MTMR7: variants seen among roughly 807,000 people sequenced by gnomAD.
The protein encoded by MTMR7 is phosphatidylinositol-3-phosphate phosphatase MTMR7.
A neutral mutation model predicts 81.2 loss-of-function variants in MTMR7; 76 were observed. The observed-to-expected ratio is 0.94, with a 90% CI of 0.78 to 1.13. MTMR7 has a LOEUF of 1.13. Among genes scored for constraint, MTMR7 ranks in the 50% most tolerant of loss-of-function variants. The pLI is 0.00. For missense variants in MTMR7, 1,044 were observed against 820.0 expected (o/e 1.27, Z -3.34); for synonymous variants, 372 against 289.8 (o/e 1.28, Z -2.88).
chr8:17,319,813 G>A (rs897913466), intron 7 of MTMR7, among the ~76,000 whole-genome samples: 2 of 151,958 alleles, frequency 1.3e-5, no homozygotes, highest in East Asian at 1.9e-4. Flanking sequence ...CCTCAGGTTG[G>A]TTTTTTTTCA....
At chr8:17,390,808 G>A (rs954474444) in intron 1 of MTMR7, among the ~76,000 whole-genome samples, 2 of 152,166 alleles carry the variant, frequency 1.3e-5, no homozygotes, top group Non-Finnish European at 2.9e-5. Context: ...CAGCTCTCAT[G>A]AGAACTCACT....
intron 5 of MTMR7, among the ~76,000 whole-genome samples, chr8:17,348,036 C>T (rs906798153): frequency 5.9e-5 from 9 of 152,054 alleles, no homozygotes; most frequent in Non-Finnish European, 1.3e-4. Flanking sequence ...TGGGGTGGGG[C>T]CAGGCTACCA....
Position 17,311,430 on chromosome 8 carries a change from C to G in MTMR7, c.1101+81G>C, listed in dbSNP as rs1244257539. 7.6e-6 allele frequency: 12 copies of G among 1,568,808 alleles called. No individual in the cohort carries two copies. The East Asian group carries it at 2.3e-4, about 29-fold the overall frequency. On this transcript the variant is annotated intron_variant, in intron 9 of 13. Coordinates refer to ENST00000180173, the MANE Select transcript of MTMR7 (RefSeq NM_004686.5). ...AAAAATAATGCTGGCAAGAAAACAGCAGTTGCCAGTAGTTGTAAAAACAGG... is the reference window on the plus strand; with the variant it reads ...AAAAATAATGCTGGCAAGAAAACAGGAGTTGCCAGTAGTTGTAAAAACAGG...
chr8:17,306,619 G>A (rs564242842), intron 10 of MTMR7, among the ~76,000 whole-genome samples: 2 of 152,226 alleles, frequency 1.3e-5, no homozygotes, highest in African/African-American at 4.8e-5. Flanking sequence ...GAGTTTTACA[G>A]AGAATCCAAA....
chr8:17,400,161 A>G (rs887295662), intron 1 of MTMR7, among the ~76,000 whole-genome samples: 8 of 152,304 alleles, frequency 5.3e-5, no homozygotes, highest in African/African-American at 1.9e-4. Flanking sequence ...GCAATTATTT[A>G]TAACAAGAGC....
chr8:17,398,616 G>C (rs1251257872), intron 1 of MTMR7, among the ~76,000 whole-genome samples: 1 of 152,106 alleles, frequency 6.6e-6, no homozygotes, highest in Non-Finnish European at 1.5e-5. Context: ...GGTAGAGAAA[G>C]AAATGGGAAT....
intron 1 of MTMR7, among the ~76,000 whole-genome samples, chr8:17,410,886 A>G (rs1243516653): frequency 6.6e-6 from 1 of 152,208 alleles, no homozygotes; most frequent in Non-Finnish European, 1.5e-5. Flanking sequence ...CTACCCACAC[A>G]GTAAATATTG....
chr8:17,322,950 C>CTTTTTTTTTTTT (rs58584179), intron 7 of MTMR7, among the ~76,000 whole-genome samples: 1 of 125,774 alleles, frequency 8.0e-6, no homozygotes, highest in African/African-American at 3.1e-5. Context: ...ATTGAATTAT[C>CTTTTTTTTTTTT]TTTTTTTTTT....
chr8:17,354,820 A>G (rs1039167731), intron 4 of MTMR7, among the ~76,000 whole-genome samples: 1 of 152,334 alleles, frequency 6.6e-6, no homozygotes, highest in Non-Finnish European at 1.5e-5. Context: ...TTCTGAAATA[A>G]GACAACTTGT....
chr8:17,349,055 C>T lies in MTMR7; in HGVS notation c.495G>A (p.Leu165=), dbSNP rs372049701. The change falls in exon 5 of 14, where the codon CTG becomes CTA. Residue 165 remains leucine (L), a synonymous_variant. Transcript: ENST00000180173. ...YRVCDSYPTE[L]YVPKSATAHI... Reference sequence around the variant, plus strand: ...GTGCCGTGGCCGATTTGGGAACGTACAGTTCAGTAGGATAAGAGTCACAGA... The same window carrying T: ...GTGCCGTGGCCGATTTGGGAACGTATAGTTCAGTAGGATAAGAGTCACAGA... The T allele has an allele frequency of 1.2e-5, 20 of 1,612,292 alleles. No individual in the cohort carries two copies. The highest frequency in any genetic ancestry group is 6.7e-5 in the East Asian group (3 of 44,834).
chr8:17,377,454 C>G (rs1030560315), intron 1 of MTMR7, among the ~76,000 whole-genome samples: 2 of 152,076 alleles, frequency 1.3e-5, no homozygotes, highest in Admixed American at 1.3e-4. Context: ...TGTGATTAGA[C>G]AGGCAAAGGT....
chr8:17,368,821 G>C (rs1339346764), intron 3 of MTMR7, among the ~76,000 whole-genome samples: 2 of 152,194 alleles, frequency 1.3e-5, no homozygotes, highest in East Asian at 1.9e-4. Context: ...CTTAGGTGAT[G>C]GCTTTGATTC....
At chr8:17,322,948 A>ATTTTTTTT (rs1419579227) in intron 7 of MTMR7, among the ~76,000 whole-genome samples, 4 of 94,956 alleles carry the variant, frequency 4.2e-5, no homozygotes, top group African/African-American at 1.5e-4. Context: ...GGATTGAATT[A>ATTTTTTTT]TCTTTTTTTT....
intron 7 of MTMR7, among the ~76,000 whole-genome samples, chr8:17,316,738 T>C (rs761247644): frequency 3.3e-5 from 5 of 152,208 alleles, no homozygotes; most frequent in African/African-American, 4.8e-5. Flanking sequence ...CTACATTGTA[T>C]TAAGTATTGC....
At position 17,381,299 on chromosome 8, in the gene MTMR7, G is replaced by A. The variant is rs148150518; in HGVS notation, c.25-8059C>T. Among the ~76,000 whole-genome samples the A allele has an allele frequency of 3.4e-3, 512 of 152,166 alleles. 2 individuals carry two copies. The highest frequency in any genetic ancestry group is 0.012 in the African/African-American group (496 of 41,518). On this transcript the variant is annotated intron_variant, in intron 1 of 13. Transcript: ENST00000180173. ...CCACCACCGCACTTCCAGGTCTGAG[G>A]AGGCCACACTGGCGGCCCAACATAG... is the stretch of plus-strand genomic sequence containing the variant.
chr8:17,329,177 C>G (rs1018094038), intron 7 of MTMR7, among the ~76,000 whole-genome samples: 9 of 151,968 alleles, frequency 5.9e-5, no homozygotes, highest in Admixed American at 5.3e-4. Flanking sequence ...GTAGTATGAG[C>G]CTTCATATCT....
rs1240895655 is a variant in MTMR7 at position 17,305,830 on chromosome 8, T to C, written c.1279A>G (p.Ile427Val). 2.2e-5 allele frequency: 35 copies of C among 1,613,620 alleles called. No individual in the cohort carries two copies. The highest frequency in any genetic ancestry group is 3.0e-5 in the Non-Finnish European group (35 of 1,179,726). The change falls in exon 11 of 14, where the codon ATT (isoleucine) becomes GTT (valine). Residue 427 changes from isoleucine (I) to valine (V), a missense_variant. Transcript: ENST00000180173. Reference sequence around the variant, plus strand: ...TGGCAGGAATAAATGTGATGTTGAATGTGAATCAAAAACCTCTCATTGAAC... The same window carrying C: ...TGGCAGGAATAAATGTGATGTTGAACGTGAATCAAAAACCTCTCATTGAAC... ...FEFNERFLIH[I>V]QHHIYSCQFG...
At chr8:17,331,080 C>G (rs1818974886) in intron 7 of MTMR7, 70 bp downstream of exon 7, 2 of 1,519,408 alleles carry the variant, frequency 1.3e-6, no homozygotes, top group Non-Finnish European at 1.8e-6. Context: ...AAAATCAAGA[C>G]TATCTTATTC....
At chr8:17,346,841 T>G (rs1321490639) in intron 5 of MTMR7, among the ~76,000 whole-genome samples, 1 of 129,850 alleles carries the variant, frequency 7.7e-6, no homozygotes, top group South Asian at 2.4e-4. Context: ...TAATTTCAAG[T>G]GCAACATCAT....
Sources: allele counts gnomAD v4.1 joint callset (sites outside exome capture counted in the v4.1 genomes callset), GRCh38; gene constraint gnomAD v4.1.1; transcripts MANE v1.5; gene names NCBI Gene and HGNC (gene_info 2026-07-23, HGNC 2026-07-21).